Variants in DENND5A observed in about 807,000 individuals in gnomAD.
The protein encoded by DENND5A is DENN domain containing 5A.
A neutral mutation model predicts 140.3 loss-of-function variants in DENND5A; 64 were observed. That is an observed-to-expected ratio of 0.46 (90% CI 0.37 to 0.56). The LOEUF is 0.56. Ranked by LOEUF, DENND5A falls within the 20% of genes least tolerant of loss-of-function variation. The pLI is 0.00. For missense variants in DENND5A, 1,292 were observed against 1,593.8 expected (o/e 0.81, Z 3.22); for synonymous variants, 605 against 607.7 (o/e 1.00, Z 0.07).
intron 1 of DENND5A, among the ~76,000 whole-genome samples, chr11:9,254,939 C>G (rs528257728): frequency 6.6e-6 from 1 of 151,902 alleles, no homozygotes; most frequent in South Asian, 2.1e-4. Context: ...GGCGTGATGG[C>G]AGATGCATGT....
chr11:9,141,681 T>C (rs1847245815), intron 22 of DENND5A, among the ~76,000 whole-genome samples: 1 of 152,152 alleles, frequency 6.6e-6, no homozygotes, highest in Non-Finnish European at 1.5e-5. Flanking sequence ...AAAGGTACAG[T>C]AAAAACAGAG....
At chr11:9,147,552 C>T (rs972668166) in intron 15 of DENND5A, among the ~76,000 whole-genome samples, 2 of 152,082 alleles carry the variant, frequency 1.3e-5, no homozygotes, top group Non-Finnish European at 2.9e-5. Flanking sequence ...CTGTGGTCAC[C>T]ATTCATCACC....
intron 1 of DENND5A, among the ~76,000 whole-genome samples, chr11:9,263,656 C>G (rs963367096): frequency 9.6e-5 from 14 of 146,158 alleles, no homozygotes; most frequent in African/African-American, 3.5e-4. Flanking sequence ...TCCTGGCTAA[C>G]AAGGTGAAAC....
chr11:9,153,254 G>A (rs1457580747), intron 12 of DENND5A, among the ~76,000 whole-genome samples: 1 of 144,894 alleles, frequency 6.9e-6, no homozygotes, highest in Admixed American at 6.9e-5. Context: ...CCTGGGAGGT[G>A]GAGGGAGTTG....
chr11:9,203,330 G>A (rs1849583636), intron 4 of DENND5A, among the ~76,000 whole-genome samples: 1 of 152,178 alleles, frequency 6.6e-6, no homozygotes. Flanking sequence ...AAATAACTCT[G>A]CAGAATGACA....
intron 6 of DENND5A, among the ~76,000 whole-genome samples, chr11:9,180,256 T>C (rs1419723924): frequency 6.6e-6 from 1 of 151,702 alleles, no homozygotes; most frequent in East Asian, 1.9e-4. Context: ...AGTTTGAGAC[T>C]AGCTGAGCAA....
At chr11:9,192,648 CA>C (rs898792165) in intron 5 of DENND5A, among the ~76,000 whole-genome samples, 12 of 137,150 alleles carry the variant, frequency 8.7e-5, no homozygotes, top group African/African-American at 2.5e-4. Flanking sequence ...CAAAAAAAAA[CA>C]AAAAAAAAAC....
intron 1 of DENND5A, among the ~76,000 whole-genome samples, chr11:9,261,415 G>C (rs1444098893): frequency 6.6e-6 from 1 of 152,072 alleles, no homozygotes; most frequent in African/African-American, 2.4e-5. Flanking sequence ...TACAAGGCAG[G>C]CTGAGGAGAG....
chr11:9,180,401 C>T (rs1273729746), intron 6 of DENND5A, among the ~76,000 whole-genome samples: 4 of 152,074 alleles, frequency 2.6e-5, no homozygotes, highest in East Asian at 3.9e-4. Flanking sequence ...TGCAGTGAGC[C>T]GTGACCGTGC....
At chr11:9,259,497 C>T (rs1380256589) in intron 1 of DENND5A, among the ~76,000 whole-genome samples, 6 of 151,998 alleles carry the variant, frequency 3.9e-5, no homozygotes, top group African/African-American at 1.5e-4. Context: ...ACCCGGGAGG[C>T]GGAGTTTGCA....
At chr11:9,140,057 C>A in intron 22 of DENND5A, 1 of 1,087,286 alleles carries the variant, frequency 9.2e-7, no homozygotes, top group Non-Finnish European at 1.3e-6. Context: ...CCCAAATCAG[C>A]CCTGTCATGA....
Position 9,142,095 on chromosome 11 carries a change from G to A in DENND5A, c.3525C>T (p.Thr1175=). 6.3e-7 allele frequency: 1 copy of A among 1,588,766 alleles called. No individual in the cohort carries two copies. Among genetic ancestry groups the A allele is most frequent in the Non-Finnish European group, 8.6e-7 (1 of 1,165,734 alleles). ...FIWDFLEKAQ[T]YYETLEKNEV... The stretch of plus-strand genomic sequence containing the variant: ...CATTCTTCTCTAATGTCTCATAATA[G>A]GTTTGTGCTTTTTCTGTGAAGAGTA... The change falls in exon 22 of 23, where the codon ACC becomes ACT. Residue 1175 remains threonine (T), a synonymous_variant. Coordinates refer to ENST00000328194, the MANE Select transcript of DENND5A (RefSeq NM_015213.4).
chr11:9,245,535 G>A lies in DENND5A; in HGVS notation c.109+19426C>T, dbSNP rs906165842. On this transcript the variant is annotated intron_variant, in intron 1 of 22. Coordinates refer to ENST00000328194, the MANE Select transcript of DENND5A (RefSeq NM_015213.4). ...GAATCCGGAAGGCGGAGGTTGCAGT[G>A]AGCTGAGATCGCAACACTGCACTCC... 2.0e-5 allele frequency: 3 copies of A among 151,650 alleles called. No homozygotes were observed. The East Asian group carries it at 5.9e-4, about 30-fold the overall frequency. 9.4% of individuals were successfully genotyped at this position (151,650 alleles called of 1,614,324 possible).
chr11:9,142,621 T>A, intron 21 of DENND5A, 101 bp downstream of exon 21: 1 of 1,428,112 alleles, frequency 7.0e-7, no homozygotes, highest in Non-Finnish European at 9.5e-7. Context: ...GTCACCTAAT[T>A]TGGGTTCTGC....
intron 12 of DENND5A, among the ~76,000 whole-genome samples, chr11:9,155,294 T>A (rs1454555517): frequency 6.6e-6 from 1 of 152,212 alleles, no homozygotes; most frequent in African/African-American, 2.4e-5. Flanking sequence ...CCCCAGCATC[T>A]AGGCAGACTA....
intron 1 of DENND5A, among the ~76,000 whole-genome samples, chr11:9,216,265 T>C (rs959478114): frequency 1.3e-5 from 2 of 152,214 alleles, no homozygotes; most frequent in Admixed American, 1.3e-4. Context: ...GGTCATTCCA[T>C]GACTATTGGG....
At chr11:9,251,834 A>T (rs1851733770) in intron 1 of DENND5A, among the ~76,000 whole-genome samples, 1 of 150,946 alleles carries the variant, frequency 6.6e-6, no homozygotes, top group African/African-American at 2.4e-5. Flanking sequence ...CTAAAAATAC[A>T]AAAAATTAGA....
At chr11:9,156,349 T>A (rs1847801859) in intron 12 of DENND5A, among the ~76,000 whole-genome samples, 1 of 152,112 alleles carries the variant, frequency 6.6e-6, no homozygotes, top group South Asian at 2.1e-4. Flanking sequence ...CCCCCATTAT[T>A]TTGCACTGGT....
At chr11:9,157,262 A>G (rs1847837810) in intron 12 of DENND5A, among the ~76,000 whole-genome samples, 1 of 152,226 alleles carries the variant, frequency 6.6e-6, no homozygotes, top group Non-Finnish European at 1.5e-5. Context: ...TATGTTGGAT[A>G]CTTATCACAC....
Sources: allele counts gnomAD v4.1 joint callset (sites outside exome capture counted in the v4.1 genomes callset), GRCh38; gene constraint gnomAD v4.1.1; transcripts MANE v1.5; gene names NCBI Gene and HGNC (gene_info 2026-07-23, HGNC 2026-07-21).